SLCO3A1: variants seen among roughly 807,000 people sequenced by gnomAD.
The protein encoded by SLCO3A1 is solute carrier organic anion transporter family member 3A1.
SLCO3A1 carries 27 observed loss-of-function variants against 63.1 expected under a neutral mutation model. That is an observed-to-expected ratio of 0.43 (90% CI 0.32 to 0.59). The LOEUF (loss-of-function observed/expected upper bound fraction) is 0.59. Ranked by LOEUF, SLCO3A1 falls within the 20% of genes least tolerant of loss-of-function variation. The probability of loss-of-function intolerance (pLI) is 0.09; values close to 1 mark genes in which losing one functional copy is unlikely to be tolerated. For synonymous variants in SLCO3A1, 473 were observed against 409.9 expected (o/e 1.15, Z -1.86); for missense variants, 773 against 945.8 (o/e 0.82, Z 2.40).
rs186950043 is a variant in SLCO3A1, at chr15:92,046,410, A to T, written c.647-48471A>T. Among the ~76,000 whole-genome samples the T allele has an allele frequency of 6.0e-4, 92 of 152,078 alleles. 1 individual carries two copies. The East Asian group carries it at 0.016, about 26-fold the overall frequency. On this transcript the variant is annotated intron_variant, in intron 2 of 9. Transcript: ENST00000318445. ...GCGATGTGGCTGGCAGGCACCTATA[A>T]TCCCAGCTACTTGGGAGGCTGAGGC...
Position 92,165,528 on chromosome 15 carries a change from A to T in SLCO3A1, c.*2393A>T, listed in dbSNP as rs1402390555. The T allele has an allele frequency of 2.5e-5, 25 of 984,430 alleles. No homozygotes were observed. Among genetic ancestry groups the T allele is most frequent in the Non-Finnish European group, 2.9e-5 (24 of 829,222 alleles). 61.0% of individuals were successfully genotyped at this position (984,430 alleles called of 1,614,324 possible). Reference sequence around the variant, plus strand: ...AGAAAAAAAAAAGAAAGTTTTTTAAACTCTTTGCATTTTGGATTTTTTTTC... The same window carrying T: ...AGAAAAAAAAAAGAAAGTTTTTTAATCTCTTTGCATTTTGGATTTTTTTTC... On this transcript the variant is annotated 3_prime_UTR_variant, in exon 10 of 10. Transcript: ENST00000318445.
intron 9 of SLCO3A1, chr15:92,153,762 T>C (rs1438442129): frequency 6.6e-6 from 1 of 152,048 alleles, no homozygotes; most frequent in African/African-American, 2.4e-5. Flanking sequence ...GTAAGAGTCA[T>C]ACAGATGAGC....
In SLCO3A1 at chr15:92,163,607, A is replaced by G; in HGVS notation, c.*472A>G. 3 of 984,632 alleles carry G rather than the reference A, an allele frequency of 3.0e-6. No individual in the cohort carries two copies. The highest frequency in any genetic ancestry group is 3.6e-6 in the Non-Finnish European group (3 of 829,826). The allele number at this position is 984,632 out of a possible 1,614,324, so 61.0% of individuals were successfully genotyped here. A position where few individuals can be genotyped will look rare whatever the true frequency, so the allele number is the denominator to read the frequency against. On this transcript the variant is annotated 3_prime_UTR_variant, in exon 10 of 10. Coordinates refer to ENST00000318445, the MANE Select transcript of SLCO3A1 (RefSeq NM_013272.4). ...AACATTGCCAGATTAAGCACTAGTGACACACCCCGTGCCACCCTCTTCCTC... is the reference window on the plus strand; with the variant it reads ...AACATTGCCAGATTAAGCACTAGTGGCACACCCCGTGCCACCCTCTTCCTC...
chr15:92,125,037 TA>T (rs1476303893), intron 5 of SLCO3A1, among the ~76,000 whole-genome samples: 6 of 152,172 alleles, frequency 3.9e-5, no homozygotes, highest in African/African-American at 1.2e-4. Context: ...CAGCAGATGA[TA>T]AAGAGATATT....
intron 7 of SLCO3A1, among the ~76,000 whole-genome samples, chr15:92,141,832 A>C (rs544600456): frequency 6.6e-6 from 1 of 152,148 alleles, no homozygotes; most frequent in Admixed American, 6.5e-5. Flanking sequence ...CTGGGCTCTT[A>C]TGTCACACAA....
At chr15:92,022,899 C>T (rs901629464) in intron 2 of SLCO3A1, among the ~76,000 whole-genome samples, 2 of 151,714 alleles carry the variant, frequency 1.3e-5, no homozygotes, top group Non-Finnish European at 2.9e-5. Context: ...GTCAGGGAGT[C>T]GTGGGATTCT....
chr15:92,109,532 C>T (rs2047704289), intron 4 of SLCO3A1, among the ~76,000 whole-genome samples: 1 of 152,148 alleles, frequency 6.6e-6, no homozygotes, highest in Non-Finnish European at 1.5e-5. Context: ...TGAGTGTAAC[C>T]GCACCAGAGG....
intron 2 of SLCO3A1, among the ~76,000 whole-genome samples, chr15:91,933,534 A>G (rs1899305687): frequency 6.6e-6 from 1 of 152,250 alleles, no homozygotes; most frequent in Admixed American, 6.5e-5. Flanking sequence ...AGCATACTAA[A>G]AAAATCACAG....
chr15:92,130,682 T>A (rs2047981770), intron 7 of SLCO3A1, among the ~76,000 whole-genome samples: 1 of 152,130 alleles, frequency 6.6e-6, no homozygotes, highest in Non-Finnish European at 1.5e-5. Flanking sequence ...GCCTTCCGTG[T>A]GTCACTCGTG....
At chr15:91,958,189 T>C (rs1900309080) in intron 2 of SLCO3A1, among the ~76,000 whole-genome samples, 1 of 152,244 alleles carries the variant, frequency 6.6e-6, no homozygotes, top group Non-Finnish European at 1.5e-5. Context: ...ATTAATTGAC[T>C]GTTTATGTTA....
At chr15:92,106,170 A>T (rs2047665337) in intron 4 of SLCO3A1, among the ~76,000 whole-genome samples, 1 of 152,228 alleles carries the variant, frequency 6.6e-6, no homozygotes. Context: ...CTGAAAAGAG[A>T]CAAATTTAAT....
At chr15:92,160,224 T>G (rs1409268009) in intron 9 of SLCO3A1, among the ~76,000 whole-genome samples, 2 of 152,152 alleles carry the variant, frequency 1.3e-5, no homozygotes, top group African/African-American at 4.8e-5. Context: ...TGCCCTGCTG[T>G]GCCACAGAAA....
intron 7 of SLCO3A1, among the ~76,000 whole-genome samples, chr15:92,135,109 G>A (rs2048040655): frequency 1.3e-5 from 2 of 152,350 alleles, no homozygotes; most frequent in East Asian, 1.9e-4. Context: ...TGCACAGGCT[G>A]AGGTGTGACA....
chr15:91,871,764 G>GTT (rs1368889555), intron 1 of SLCO3A1, among the ~76,000 whole-genome samples: 11 of 35,308 alleles, frequency 3.1e-4, no homozygotes, highest in African/African-American at 5.5e-4. Flanking sequence ...GTTTTTTTTT[G>GTT]GTTTTTTTTT....
chr15:91,879,950 A>G (rs12911082), intron 1 of SLCO3A1, among the ~76,000 whole-genome samples: 26,999 of 152,072 alleles, frequency 0.18, 2,702 homozygotes, highest in Middle Eastern at 0.29. Flanking sequence ...GAGTCCCAGG[A>G]AGGGCCCTTG....
chr15:91,930,891 G>C (rs1899202231), intron 2 of SLCO3A1, among the ~76,000 whole-genome samples: 1 of 152,228 alleles, frequency 6.6e-6, no homozygotes, highest in South Asian at 2.1e-4. Context: ...GGGGATTGGA[G>C]TCAAGGGGGT....
intron 7 of SLCO3A1, among the ~76,000 whole-genome samples, chr15:92,136,093 A>C (rs1053997374): frequency 6.6e-6 from 1 of 152,194 alleles, no homozygotes; most frequent in Non-Finnish European, 1.5e-5. Flanking sequence ...CTGCACTGCA[A>C]ACTAAGACCT....
At chr15:92,058,864 C>T (rs117696866) in intron 2 of SLCO3A1, among the ~76,000 whole-genome samples, 2,721 of 152,266 alleles carry the variant, frequency 0.018, 35 homozygotes, top group Non-Finnish European at 0.028. Context: ...CTTAGAGACA[C>T]GTCCCTTCAA....
chr15:92,020,455 C>T (rs1416284459), intron 2 of SLCO3A1, among the ~76,000 whole-genome samples: 2 of 152,248 alleles, frequency 1.3e-5, no homozygotes, highest in Admixed American at 1.3e-4. Flanking sequence ...CACTTGACCC[C>T]TGTCCTGGGA....
Sources: gnomAD v4.1 joint callset for allele counts (sites outside exome capture counted in the v4.1 genomes callset) on GRCh38, gnomAD v4.1.1 for gene constraint, MANE v1.5 for transcripts, NCBI Gene and HGNC (gene_info 2026-07-23, HGNC 2026-07-21) for gene names.